The following LOXHD1 variants were observed in gnomAD, a reference collection of about 807,000 sequenced individuals.
LOXHD1 encodes the protein lipoxygenase homology PLAT domains 1.
Under a neutral mutation model 248.2 loss-of-function variants are expected in LOXHD1, and 205 were observed. That is an observed-to-expected ratio of 0.83 (90% CI 0.74 to 0.93). The LOEUF (loss-of-function observed/expected upper bound fraction) is 0.93. Ranked by LOEUF, LOXHD1 falls within the 40% of genes least tolerant of loss-of-function variation. The pLI, the probability that LOXHD1 is intolerant of heterozygous loss-of-function variation, is 0.00. For missense variants in LOXHD1, 2,930 were observed against 2,971.6 expected (o/e 0.99, Z 0.33); for synonymous variants, 1,113 against 1,162.8 (o/e 0.96, Z 0.87).
intron 3 of LOXHD1, among the ~76,000 whole-genome samples, chr18:46,640,295 G>A (rs1283054200): frequency 3.3e-5 from 5 of 152,184 alleles, no homozygotes; most frequent in African/African-American, 1.2e-4. Context: ...TGATTTACAG[G>A]ACACAGCTTA....
At chr18:46,610,282 T>C (rs977207301) in intron 6 of LOXHD1, among the ~76,000 whole-genome samples, 4 of 151,420 alleles carry the variant, frequency 2.6e-5, no homozygotes, top group Admixed American at 6.6e-5. Context: ...CCGTCATTCT[T>C]AGCAAACTAT....
intron 37 of LOXHD1, among the ~76,000 whole-genome samples, chr18:46,504,544 G>A (rs1204397373): frequency 6.6e-6 from 1 of 152,226 alleles, no homozygotes; most frequent in Admixed American, 6.5e-5. Flanking sequence ...GGAGTGCTGT[G>A]TAAATATTTG....
At chr18:46,491,275 C>T (rs1425275577) in intron 37 of LOXHD1, among the ~76,000 whole-genome samples, 1 of 152,216 alleles carries the variant, frequency 6.6e-6, no homozygotes, top group East Asian at 1.9e-4. Context: ...GTCATTAAGG[C>T]TCTCCAGGTG....
rs563851786 is a variant in LOXHD1 at position 46,530,044 on chromosome 18, A to G, written c.4376-713T>C. Among the ~76,000 whole-genome samples, 3 of 152,342 alleles carry G rather than the reference A, an allele frequency of 2.0e-5. No individual in the cohort carries two copies. In the East Asian group the frequency reaches 5.8e-4, roughly 29 times the overall value. On this transcript the variant is annotated intron_variant, in intron 28 of 40. Coordinates refer to ENST00000642948, the MANE Select transcript of LOXHD1 (RefSeq NM_001384474.1). ...GTTTTTATTTAAGGAAAAATAAAAC[A>G]TCTCCTTTCCTAACCTTCTCCTTAC... is the stretch of plus-strand genomic sequence containing the variant.
At chr18:46,570,153 G>A (rs949693111) in intron 15 of LOXHD1, among the ~76,000 whole-genome samples, 3 of 152,200 alleles carry the variant, frequency 2.0e-5, no homozygotes, top group Non-Finnish European at 2.9e-5. Flanking sequence ...ACAGTTAAGA[G>A]GTCGCCAGGA....
intron 6 of LOXHD1, among the ~76,000 whole-genome samples, chr18:46,604,586 T>C (rs149101218): frequency 2.6e-5 from 4 of 152,340 alleles, no homozygotes; most frequent in Non-Finnish European, 5.9e-5. Flanking sequence ...ACCATCACTG[T>C]CCTCACAGGC....
At chr18:46,510,361 T>C (rs992280398) in intron 34 of LOXHD1, among the ~76,000 whole-genome samples, 5 of 152,208 alleles carry the variant, frequency 3.3e-5, no homozygotes, top group African/African-American at 1.2e-4. Flanking sequence ...GTGCCCTGAA[T>C]TGGGTAATGC....
intron 33 of LOXHD1, among the ~76,000 whole-genome samples, chr18:46,519,674 A>G (rs886827447): frequency 7.2e-5 from 11 of 152,124 alleles, no homozygotes; most frequent in African/African-American, 2.7e-4. Context: ...AATGATCAAA[A>G]TGAGTGCTTC....
chr18:46,536,314 T>C (rs964300493), intron 26 of LOXHD1, among the ~76,000 whole-genome samples: 1 of 152,026 alleles, frequency 6.6e-6, no homozygotes, highest in Non-Finnish European at 1.5e-5. Context: ...CCTGAGATAG[T>C]GGCTGAGCCA....
At chr18:46,626,368 T>C (rs1489741592) in intron 4 of LOXHD1, among the ~76,000 whole-genome samples, 2 of 152,144 alleles carry the variant, frequency 1.3e-5, no homozygotes, top group Non-Finnish European at 2.9e-5. Context: ...TAAAACCCTG[T>C]CTCTAATAAA....
chr18:46,559,461 A>G lies in LOXHD1; in HGVS notation c.3203T>C (p.Phe1068Ser). 6.4e-7 allele frequency: 1 copy of G among 1,551,904 alleles called. No homozygotes were observed. The highest frequency in any genetic ancestry group is 8.7e-7 in the Non-Finnish European group (1 of 1,147,008). Residue 1068 changes from phenylalanine to serine, a missense_variant, in exon 20 of 41, where the codon TTT becomes TCT. Phe to Ser is a radical substitution (Grantham distance 155, BLOSUM62 -2). Transcript: ENST00000642948. ...CCCTCACCCTACCTGCCCCTGCTCA[A>G]ATTTGTTGGACTTGTCTGACTTCTT... ...PLKKSDKSNK[F>S]EQGQTDTFTI...
chr18:46,515,121 C>G (rs181541474), intron 34 of LOXHD1, among the ~76,000 whole-genome samples: 1 of 152,310 alleles, frequency 6.6e-6, no homozygotes, highest in African/African-American at 2.4e-5. Flanking sequence ...TAAGCTTCAG[C>G]CCCTGGGTAT....
At chr18:46,493,421 T>C (rs2033626189) in intron 37 of LOXHD1, among the ~76,000 whole-genome samples, 1 of 152,256 alleles carries the variant, frequency 6.6e-6, no homozygotes, top group Non-Finnish European at 1.5e-5. Flanking sequence ...CTTCTTCCAC[T>C]AGGTTGTAAG....
rs748673610 is a variant in LOXHD1 at position 46,601,461 on chromosome 18, G to A, written c.890C>T (p.Thr297Met). ...CCCAGTGAAGACGGTGACAATATAC[G>A]TAATAGCTGGTGTGGAAACAACAGG... ...LVGGAETTAI[T>M]YIVTVFTGDV... is the part of the protein sequence containing the mutation. Residue 297 changes from threonine (T) to methionine (M), a missense_variant, in exon 8 of 41, where the codon ACG becomes ATG. Transcript: ENST00000642948. 42 of 1,551,608 alleles carry A rather than the reference G, an allele frequency of 2.7e-5. No homozygotes were observed. The highest frequency in any genetic ancestry group is 1.5e-4 in the South Asian group (13 of 84,054).
At chr18:46,520,904 C>T (rs577799317) in intron 33 of LOXHD1, among the ~76,000 whole-genome samples, 193 bp downstream of exon 33, 8 of 152,312 alleles carry the variant, frequency 5.3e-5, no homozygotes, top group South Asian at 2.1e-4. Context: ...CAAGGTCACA[C>T]GGCAGCAGAC....
intron 4 of LOXHD1, among the ~76,000 whole-genome samples, chr18:46,639,398 T>G (rs562393113): frequency 9.2e-5 from 14 of 152,326 alleles, no homozygotes; most frequent in Admixed American, 7.8e-4. Context: ...CCTCTTGTAT[T>G]TCCCACCTCC....
At chr18:46,545,699 G>A (rs1014591543) in intron 22 of LOXHD1, among the ~76,000 whole-genome samples, 10 of 138,640 alleles carry the variant, frequency 7.2e-5, no homozygotes, top group African/African-American at 2.3e-4. Flanking sequence ...GCGGGATCTC[G>A]GCTCACTGCA....
At chr18:46,511,483 C>T (rs2034960126) in intron 34 of LOXHD1, among the ~76,000 whole-genome samples, 1 of 152,190 alleles carries the variant, frequency 6.6e-6, no homozygotes, top group African/African-American at 2.4e-5. Flanking sequence ...CCCCTCACGT[C>T]CTTCCTATTC....
At chr18:46,507,079 G>A (rs567310229) in intron 36 of LOXHD1, among the ~76,000 whole-genome samples, 1 of 152,328 alleles carries the variant, frequency 6.6e-6, no homozygotes, top group African/African-American at 2.4e-5. Flanking sequence ...TCACCGCACT[G>A]CACTGTGGTT....
Sources: allele counts gnomAD v4.1 joint callset (sites outside exome capture counted in the v4.1 genomes callset), GRCh38; gene constraint gnomAD v4.1.1; transcripts MANE v1.5; gene names NCBI Gene and HGNC (gene_info 2026-07-23, HGNC 2026-07-21).